Variants in CDCP1 observed in about 807,000 individuals in gnomAD.
CDCP1 encodes the protein CUB domain containing protein 1.
Under a neutral mutation model 60.2 loss-of-function variants are expected in CDCP1, and 29 were observed. The ratio of observed to expected loss-of-function variants is 0.48; its 90% CI spans 0.36 to 0.66. The LOEUF (loss-of-function observed/expected upper bound fraction) is 0.66. CDCP1 is among the 30% of genes least tolerant of loss of function. The pLI is 0.00. For synonymous variants in CDCP1, 387 were observed against 431.1 expected, an observed-to-expected ratio of 0.90 and a Z score of 1.27; for missense variants, 876 against 1,074.3, an observed-to-expected ratio of 0.82 and a Z score of 2.58.
chr3:45,129,231 G>A (rs1287729654), intron 1 of CDCP1, among the ~76,000 whole-genome samples: 1 of 152,190 alleles, frequency 6.6e-6, no homozygotes, highest in African/African-American at 2.4e-5. Context: ...CTATATCACA[G>A]TCTGTAGCAA....
At chr3:45,102,904 T>C (rs566124643) in intron 4 of CDCP1, among the ~76,000 whole-genome samples, 1 of 151,580 alleles carries the variant, frequency 6.6e-6, no homozygotes, top group African/African-American at 2.4e-5. Context: ...CAACCAAATA[T>C]GCCTGCCTCG....
At chr3:45,095,229 C>T (rs997662293) in intron 5 of CDCP1, 118 bp downstream of exon 5, 24 of 908,808 alleles carry the variant, frequency 2.6e-5, no homozygotes, top group South Asian at 9.7e-5. Context: ...CCATCGTGCC[C>T]GGCCAGATGG....
chr3:45,103,958 A>G (rs1324715918), intron 4 of CDCP1, among the ~76,000 whole-genome samples: 5 of 152,350 alleles, frequency 3.3e-5, no homozygotes, highest in Non-Finnish European at 2.9e-5. Flanking sequence ...GTTTAACTTC[A>G]TAAGAATCTG....
chr3:45,132,285 A>G (rs1045904583), intron 1 of CDCP1, among the ~76,000 whole-genome samples: 1 of 152,170 alleles, frequency 6.6e-6, no homozygotes, highest in Non-Finnish European at 1.5e-5. Flanking sequence ...TTGTCTGAAC[A>G]TAAGCCATGA....
rs779842644 is a variant in CDCP1, at chr3:45,118,522, G to A, written c.182C>T (p.Ser61Phe). 7 of 1,614,110 alleles carry A rather than the reference G, an allele frequency of 4.3e-6. No individual in the cohort carries two copies. Among genetic ancestry groups the A allele is most frequent in the Non-Finnish European group, 5.9e-6 (7 of 1,179,948 alleles). ...GGACAACATGGTTATATGTCTTTTA[G>A]AAATGACGATGTAACAGGGTTTTGC... ...LLAKPCYIVISKRHITMLSIK... is the reference protein window; with the variant it reads ...LLAKPCYIVIFKRHITMLSIK... Residue 61 changes from serine to phenylalanine, a missense_variant, in exon 2 of 9, where the codon TCT becomes TTT. Ser to Phe is a radical substitution (Grantham distance 155). Coordinates refer to ENST00000296129, the MANE Select transcript of CDCP1 (RefSeq NM_022842.5).
intron 2 of CDCP1, 106 bp from the exon 3 acceptor site, chr3:45,112,551 C>A (rs949006351): frequency 6.0e-6 from 9 of 1,491,402 alleles, no homozygotes; most frequent in Non-Finnish European, 8.1e-6. Context: ...GGGGCTCCCC[C>A]AAGGTGGCCT....
At chr3:45,099,475 T>A (rs1027455254) in intron 4 of CDCP1, among the ~76,000 whole-genome samples, 2 of 152,162 alleles carry the variant, frequency 1.3e-5, no homozygotes, top group African/African-American at 4.8e-5. Context: ...TACTGTGCCT[T>A]GGTGTGGGTC....
At position 45,089,117 on chromosome 3, in the gene CDCP1, G is replaced by A. The variant is rs35428731; in HGVS notation, c.2018C>T (p.Ala673Val). The A allele has an allele frequency of 0.067, 108,321 of 1,613,168 alleles. 4,122 individuals are homozygous for A. Among genetic ancestry groups the A allele is most frequent in the Non-Finnish European group, 0.078 (91,579 of 1,179,198 alleles). ...TVDLTVILIA[A>V]VGGGVLLLSA... is the part of the protein sequence containing the mutation. The stretch of plus-strand genomic sequence containing the variant: ...CAGCAGTAAGACTCCACCTCCCACC[G>A]CTGCGATGAGGATGACAGTCAAGTC... The change falls in exon 8 of 9, where the codon GCG (alanine) becomes GTG (valine). Residue 673 changes from alanine (A) to valine (V), a missense_variant. Around this residue, in one of 2 missense-constraint regions of CDCP1, gnomAD observed 726 missense variants for 935.7 expected, o/e 0.78. Transcript: ENST00000296129.
chr3:45,108,553 C>G (rs910644672), intron 4 of CDCP1, among the ~76,000 whole-genome samples: 1 of 151,742 alleles, frequency 6.6e-6, no homozygotes, highest in African/African-American at 2.4e-5. Context: ...ATAAACAAAT[C>G]CCCCTGTCTT....
intron 1 of CDCP1, among the ~76,000 whole-genome samples, chr3:45,137,521 G>T (rs1351698876): frequency 1.3e-5 from 2 of 151,996 alleles, no homozygotes; most frequent in South Asian, 2.1e-4. Context: ...AAAAATGTCT[G>T]CTAGGCTGGG....
In CDCP1 at chr3:45,112,443, A is replaced by G. The variant is rs1478708107; in HGVS notation, c.295T>C (p.Cys99Arg). 1 of 1,610,844 alleles carries G rather than the reference A, an allele frequency of 6.2e-7. No individual in the cohort carries two copies. The highest frequency in any genetic ancestry group is 8.5e-7 in the Non-Finnish European group (1 of 1,177,682). Residue 99 changes from cysteine (C) to arginine (R), a missense_variant and splice_region_variant, in exon 3 of 9, where the codon TGT (cysteine) becomes CGT (arginine). Physicochemically the swap from Cys to Arg is radical, Grantham distance 180. Around this residue, in one of 2 missense-constraint regions of CDCP1, gnomAD observed 150 missense variants for 138.6 expected, o/e 1.08. Transcript: ENST00000296129. The stretch of plus-strand genomic sequence containing the variant: ...CCAAAAGGACATGGGCCTGACATAC[A>G]GTCTGAAAAACAGTCACAGAAGCAA... ...FVIEIQKNID[C>R]MSGPCPFGEV...
intron 1 of CDCP1, among the ~76,000 whole-genome samples, chr3:45,121,012 G>A (rs766442371): frequency 2.0e-5 from 3 of 152,070 alleles, no homozygotes; most frequent in Admixed American, 1.3e-4. Context: ...GTAGCCCCAC[G>A]ACCAAGGCAG....
In CDCP1 at chr3:45,113,418, G is replaced by A. The variant is rs188657378; in HGVS notation, c.293-973C>T. 7.2e-5 allele frequency among the ~76,000 whole-genome samples: 11 copies of A among 152,284 alleles called. No individual in the cohort carries two copies. The East Asian group carries it at 2.1e-3, about 29-fold the overall frequency. ...GAAAACAAGAGGAAAGTGAGGGGAC[G>A]AAACAGAAAGTAGGCAATGTAACAT... On this transcript the variant is annotated intron_variant, in intron 2 of 8. Coordinates refer to ENST00000296129, the MANE Select transcript of CDCP1 (RefSeq NM_022842.5).
chr3:45,132,383 C>A (rs1005655082), intron 1 of CDCP1, among the ~76,000 whole-genome samples: 2 of 152,140 alleles, frequency 1.3e-5, no homozygotes, highest in African/African-American at 2.4e-5. Context: ...ATTTGTCATC[C>A]CTCAAAGGAT....
rs1011047925 is a variant in CDCP1 at position 45,084,246 on chromosome 3, A to T, written c.*1392T>A. The T allele has an allele frequency of 4.6e-5, 7 of 152,086 alleles. No individual in the cohort carries two copies. The highest frequency in any genetic ancestry group is 1.7e-4 in the African/African-American group (7 of 41,398). The allele number at this position is 152,086 out of a possible 1,614,324, so 9.4% of individuals were successfully genotyped here. A position where few individuals can be genotyped will look rare whatever the true frequency, so the allele number is the denominator to read the frequency against. On this transcript the variant is annotated 3_prime_UTR_variant, in exon 9 of 9. Coordinates refer to ENST00000296129, the MANE Select transcript of CDCP1 (RefSeq NM_022842.5). ...ATCTGGGTTTTTTTTTAAGTGTTAG[A>T]GTCCGCAAGCTAAACAAAACATCCC...
intron 4 of CDCP1, among the ~76,000 whole-genome samples, chr3:45,109,019 G>C (rs1350952010): frequency 7.0e-6 from 1 of 142,636 alleles, no homozygotes; most frequent in Non-Finnish European, 1.5e-5. Context: ...GCCCAATCTC[G>C]GTTCACTGCA....
chr3:45,096,094 C>CA (rs1698392737), intron 4 of CDCP1, among the ~76,000 whole-genome samples: 1 of 152,220 alleles, frequency 6.6e-6, no homozygotes, highest in African/African-American at 2.4e-5. Flanking sequence ...GGAGAGGCTA[C>CA]AGGAAACAGG....
chr3:45,097,145 T>C (rs1221913612), intron 4 of CDCP1, among the ~76,000 whole-genome samples: 1 of 151,446 alleles, frequency 6.6e-6, no homozygotes, highest in Non-Finnish European at 1.5e-5. Context: ...TCATCAATAC[T>C]AAAATACAAA....
In CDCP1 at chr3:45,130,738, G is replaced by A. The variant is rs565909397; in HGVS notation, c.83-12117C>T. Among the ~76,000 whole-genome samples the A allele has an allele frequency of 8.6e-4, 131 of 152,350 alleles. 1 individual carries two copies. Among genetic ancestry groups the A allele is most frequent in the African/African-American group, 3.1e-3 (128 of 41,580 alleles). On this transcript the variant is annotated intron_variant, in intron 1 of 8. Transcript: ENST00000296129. ...CCCTAAGTGCAGTGAGTTATGCTCA[G>A]GGGAGTTGCTTACAGGTGTTGTCCC... is the stretch of plus-strand genomic sequence containing the variant.
Sources: allele counts gnomAD v4.1 joint callset (sites outside exome capture counted in the v4.1 genomes callset), GRCh38; gene constraint gnomAD v4.1.1; regional missense constraint gnomAD v4.1.1; transcripts MANE v1.5; gene names NCBI Gene and HGNC (gene_info 2026-07-23, HGNC 2026-07-21).